The following OSBPL5 variants were observed in gnomAD, a reference collection of about 807,000 sequenced individuals.
OSBPL5 encodes the protein oxysterol binding protein like 5.
A neutral mutation model predicts 111.2 loss-of-function variants in OSBPL5; 71 were observed. That is an observed-to-expected ratio of 0.64 (90% CI 0.53 to 0.78). The LOEUF (loss-of-function observed/expected upper bound fraction) is 0.78, where lower values mean the gene tolerates loss of function less well. Ranked by LOEUF, OSBPL5 falls within the 30% of genes least tolerant of loss-of-function variation. The pLI, the probability that OSBPL5 is intolerant of heterozygous loss-of-function variation, is 0.00. For missense variants in OSBPL5, 1,210 were observed against 1,189.3 expected (o/e 1.02, Z -0.26); for synonymous variants, 549 against 513.9 (o/e 1.07, Z -0.93).
rs1218920851 is a variant in OSBPL5, at chr11:3,112,470, TTTC to T, written c.692-4528_692-4526del. Among the ~76,000 whole-genome samples the T allele has an allele frequency of 7.6e-3, 457 of 59,778 alleles. 2 individuals carry two copies. Among genetic ancestry groups the T allele is most frequent in the South Asian group, 0.073 (96 of 1,314 alleles). The allele number at this position is 59,778 out of a possible 152,430, so 39.2% of individuals were successfully genotyped here. The stretch of plus-strand genomic sequence containing the variant: ...TTGTATTGTGTAACCTGTTTTGTGT[TTTC>T]TTTTCTTTTTTTTTTTTTTTTTGAC... On this transcript the variant is annotated intron_variant, in intron 7 of 21. Transcript: ENST00000263650.
At chr11:3,163,634 TG>T (rs1847030238) in intron 1 of OSBPL5, among the ~76,000 whole-genome samples, 1 of 152,214 alleles carries the variant, frequency 6.6e-6, no homozygotes, top group Admixed American at 6.5e-5. Flanking sequence ...GAGCCTCCAC[TG>T]GACATGCAGG....
At chr11:3,131,381 TCATCCATCCATC>T (rs141516164) in intron 1 of OSBPL5, among the ~76,000 whole-genome samples, 1 of 137,908 alleles carries the variant, frequency 7.3e-6, no homozygotes, top group African/African-American at 2.7e-5. Context: ...ACCCACCCAT[TCATCCATCCATC>T]CATCCATCCA....
In OSBPL5 at chr11:3,090,650, G is replaced by C; in HGVS notation, c.2306C>G (p.Ser769Cys). The change falls in exon 20 of 22, where the codon TCC becomes TGC. Residue 769 changes from serine to cysteine, a missense_variant. Coordinates refer to ENST00000263650, the MANE Select transcript of OSBPL5 (RefSeq NM_020896.4). Reference protein sequence around the residue: ...QRLRKASDQPSGHSQATESSG... With the variant: ...QRLRKASDQPCGHSQATESSG... ...GCTCTCCGTGGCCTGGCTGTGGCCGGAGGGCTGGTCGCTGGCCTTGCGAAG... is the reference window on the plus strand; with the variant it reads ...GCTCTCCGTGGCCTGGCTGTGGCCGCAGGGCTGGTCGCTGGCCTTGCGAAG... 1.9e-6 allele frequency: 3 copies of C among 1,612,650 alleles called. No homozygotes were observed. The highest frequency in any genetic ancestry group is 2.5e-6 in the Non-Finnish European group (3 of 1,179,902).
chr11:3,098,362 A>T (rs1379842010), intron 14 of OSBPL5, among the ~76,000 whole-genome samples: 1 of 152,020 alleles, frequency 6.6e-6, no homozygotes, highest in East Asian at 1.9e-4. Flanking sequence ...CTTAAAAAAA[A>T]TGGCTAAAAT....
intron 1 of OSBPL5, among the ~76,000 whole-genome samples, chr11:3,150,309 A>T (rs573630114): frequency 2.1e-4 from 31 of 149,226 alleles, no homozygotes; most frequent in South Asian, 8.3e-4. Context: ...AGCTTTTTTT[A>T]AAAAAAAAGT....
intron 19 of OSBPL5, 172 bp from the exon 20 acceptor site, chr11:3,090,868 C>T: frequency 1.2e-6 from 1 of 801,274 alleles, no homozygotes; most frequent in Non-Finnish European, 1.9e-6. Context: ...CCCGGCATGG[C>T]CTGGAGTAGC....
chr11:3,095,158 C>G (rs1429075935), intron 14 of OSBPL5, among the ~76,000 whole-genome samples: 2 of 151,866 alleles, frequency 1.3e-5, no homozygotes, highest in African/African-American at 4.8e-5. Flanking sequence ...AGCTATGCAG[C>G]CTAGAAAGAC....
At chr11:3,102,001 T>A (rs890049756) in intron 12 of OSBPL5, among the ~76,000 whole-genome samples, 182 bp downstream of exon 12, 2 of 152,200 alleles carry the variant, frequency 1.3e-5, no homozygotes, top group African/African-American at 4.8e-5. Context: ...CTGCACCTTC[T>A]GCAAGAATCC....
chr11:3,094,288 G>C lies in OSBPL5; in HGVS notation c.1668C>G (p.Thr556=). 1 of 1,613,648 alleles carries C rather than the reference G, an allele frequency of 6.2e-7. No individual in the cohort carries two copies. The highest frequency in any genetic ancestry group is 8.5e-7 in the Non-Finnish European group (1 of 1,179,990). ...GGAAGTTGTTCTTCGCACACTCGAT[G>C]GTGACCTTCCCACCCAGCTCCAGGG... ...TMTLELGGKV[T]IECAKNNFQA... Residue 556 remains threonine, a synonymous_variant, in exon 15 of 22, where the codon ACC becomes ACG. Coordinates refer to ENST00000263650, the MANE Select transcript of OSBPL5 (RefSeq NM_020896.4).
Position 3,122,302 on chromosome 11 carries a change from C to T in OSBPL5, c.300+46G>A, listed in dbSNP as rs202084057. 4.2e-5 allele frequency: 66 copies of T among 1,582,566 alleles called. 1 individual carries two copies. In the East Asian group the frequency reaches 6.5e-4, roughly 16 times the overall value. On this transcript the variant is annotated intron_variant, in intron 4 of 21. Transcript: ENST00000263650. ...TGACCTCCCTGGCTCAGGTGGCCGT[C>T]GGTCTGACAGTGACACTGCTGCACC... is the stretch of plus-strand genomic sequence containing the variant.
At chr11:3,112,946 T>C (rs891791602) in intron 7 of OSBPL5, among the ~76,000 whole-genome samples, 16 of 152,190 alleles carry the variant, frequency 1.1e-4, no homozygotes, top group African/African-American at 3.9e-4. Context: ...AATCTGAAAG[T>C]CTAAGACAGG....
chr11:3,089,846 C>A lies in OSBPL5; in HGVS notation c.2501G>T (p.Arg834Met). ...GATGGACACCCTGAGTGTGGCCCAC[C>A]TGTGCAGCTCCTGCTGGGCCTCTCG... ...SIREAQQELHRHLSAMLSSTA... is the reference protein window; with the variant it reads ...SIREAQQELHMHLSAMLSSTA... Residue 834 changes from arginine (R) to methionine (M), a missense_variant and splice_region_variant, in exon 21 of 22, where the codon AGG becomes ATG. By Grantham distance (91) the Arg-to-Met change is moderately conservative. Coordinates refer to ENST00000263650, the MANE Select transcript of OSBPL5 (RefSeq NM_020896.4). 1 of 1,557,850 alleles carries A rather than the reference C, an allele frequency of 6.4e-7. No homozygotes were observed. Among genetic ancestry groups the A allele is most frequent in the South Asian group, 1.2e-5 (1 of 84,506 alleles).
At chr11:3,153,315 T>C (rs1590731883) in intron 1 of OSBPL5, among the ~76,000 whole-genome samples, 2 of 152,372 alleles carry the variant, frequency 1.3e-5, no homozygotes, top group Non-Finnish European at 2.9e-5. Flanking sequence ...TTAGCTGTTA[T>C]AATGACACAA....
In OSBPL5 at chr11:3,154,729, T is replaced by C. The variant is rs1267418366; in HGVS notation, c.-22+10487A>G. Among the ~76,000 whole-genome samples, 1 of 152,040 alleles carries C rather than the reference T, an allele frequency of 6.6e-6. No individual in the cohort carries two copies. The highest frequency in any genetic ancestry group is 1.5e-5 in the Non-Finnish European group (1 of 68,004). ...GGGCTAAATGTGTCCCCTCAATCCA[T>C]GTGTTGATGTCTCAGCCCCTAGGAC... On this transcript the variant is annotated intron_variant, in intron 1 of 21. Transcript: ENST00000263650. The surrounding 1 kb of genome is among the most constrained non-coding windows in gnomAD (Gnocchi z 4.9).
At chr11:3,132,075 T>G (rs1845830974) in intron 1 of OSBPL5, among the ~76,000 whole-genome samples, 1 of 146,726 alleles carries the variant, frequency 6.8e-6, no homozygotes, top group African/African-American at 2.5e-5. Flanking sequence ...CACCCCTCTA[T>G]CCCTCCTTGA....
rs143976154 is a variant in OSBPL5 at position 3,093,559 on chromosome 11, C to T, written c.1914G>A (p.Pro638=). The T allele has an allele frequency of 3.6e-4, 588 of 1,611,350 alleles. No individual in the cohort carries two copies. In the African/African-American group the frequency reaches 3.9e-3, roughly 11 times the overall value. Residue 638 remains proline, a synonymous_variant, in exon 17 of 22, where the codon CCG becomes CCA. Transcript: ENST00000263650. ...RRQRLRQHTV[P]LEEQTELESE... is the part of the protein sequence containing the mutation. ...ACTCCAGCTCCGTCTGCTCCTCCAG[C>T]GGCACCGTGTGCTGCCTCAGCCTCT...
At position 3,140,479 on chromosome 11, in the gene OSBPL5, G is replaced by A. The variant is rs1846075017; in HGVS notation, c.-21-11310C>T. On this transcript the variant is annotated intron_variant, in intron 1 of 21. Transcript: ENST00000263650. The surrounding 1 kb of genome is among the most constrained non-coding windows in gnomAD (Gnocchi z 4.5). The stretch of plus-strand genomic sequence containing the variant: ...GGACACTCAGGGGTCCCAGTCTGAG[G>A]GGGAACACAAGGCCTTGACCTGGTA... 6.6e-6 allele frequency among the ~76,000 whole-genome samples: 1 copy of A among 152,104 alleles called. No individual in the cohort carries two copies. Among genetic ancestry groups the A allele is most frequent in the Non-Finnish European group, 1.5e-5 (1 of 68,000 alleles).
Position 3,087,482 on chromosome 11 carries a change from G to C in OSBPL5, c.*723C>G, listed in dbSNP as rs150763294. 6.7e-3 allele frequency: 1,033 copies of C among 154,056 alleles called. 13 individuals are homozygous for C. Among genetic ancestry groups the C allele is most frequent in the African/African-American group, 0.023 (962 of 41,584 alleles). The allele number at this position is 154,056 out of a possible 1,614,324, so 9.5% of individuals were successfully genotyped here. A position where few individuals can be genotyped will look rare whatever the true frequency, so the allele number is the denominator to read the frequency against. ...ACTTGAGCCTCCCCGGCCTGGGTGC[G>C]GGGCCAGCTAAGCCACACCCCTGCG... On this transcript the variant is annotated 3_prime_UTR_variant, in exon 22 of 22. Transcript: ENST00000263650.
At chr11:3,123,474 C>G (rs1858493879) in intron 3 of OSBPL5, among the ~76,000 whole-genome samples, 1 of 152,272 alleles carries the variant, frequency 6.6e-6, no homozygotes, top group Non-Finnish European at 1.5e-5. Flanking sequence ...TTGTCTGTGG[C>G]TGTTCTCGTG....
Sources: allele counts gnomAD v4.1 joint callset (sites outside exome capture counted in the v4.1 genomes callset), GRCh38; gene constraint gnomAD v4.1.1; non-coding constraint Gnocchi (gnomAD v3.1); transcripts MANE v1.5; gene names NCBI Gene and HGNC (gene_info 2026-07-23, HGNC 2026-07-21).